CPLANE1: variants seen among roughly 807,000 people sequenced by gnomAD.
The protein encoded by CPLANE1 is ciliogenesis and planar polarity effector 1.
In CPLANE1, 263 loss-of-function variants were observed where a neutral mutation model predicts 362.5. The observed-to-expected ratio is 0.73, with a 90% CI of 0.66 to 0.80. CPLANE1 has a LOEUF of 0.80. Among genes scored for constraint, CPLANE1 ranks in the 30% least tolerant of loss-of-function variants. CPLANE1 has a pLI of 0.00. For missense variants in CPLANE1, 3,461 were observed against 3,793.4 expected (o/e 0.91, Z 2.30); for synonymous variants, 1,212 against 1,302.6 (o/e 0.93, Z 1.50).
At chr5:37,194,017 GT>G (rs1420000274) in intron 21 of CPLANE1, among the ~76,000 whole-genome samples, 1 of 151,692 alleles carries the variant, frequency 6.6e-6, no homozygotes, top group Non-Finnish European at 1.5e-5. Context: ...CATCTCCCAG[GT>G]TCAAGTGATT....
At chr5:37,224,983 C>G (rs908344422) in intron 12 of CPLANE1, among the ~76,000 whole-genome samples, 1 of 143,870 alleles carries the variant, frequency 7.0e-6, no homozygotes, top group African/African-American at 2.6e-5. Flanking sequence ...CAAGGTCTCA[C>G]TACGTTGCCC....
intron 51 of CPLANE1, 74 bp from the exon 52 acceptor site, chr5:37,108,545 T>C: frequency 7.2e-7 from 1 of 1,383,708 alleles, no homozygotes; most frequent in Non-Finnish European, 9.9e-7. Context: ...TAATTGTGAC[T>C]TTTATCATCA....
At chr5:37,090,588 T>G in the CPLANE1 span, among the ~76,000 whole-genome samples, 1 of 152,216 alleles carries the variant, frequency 6.6e-6, no homozygotes, top group South Asian at 2.1e-4. Context: ...CTGGTAATCT[T>G]ACCCACAAAA....
At chr5:37,129,503 G>A (rs1019675714) in intron 46 of CPLANE1, among the ~76,000 whole-genome samples, 5 of 151,846 alleles carry the variant, frequency 3.3e-5, no homozygotes, top group African/African-American at 9.7e-5. Flanking sequence ...CTATACATCC[G>A]ACAAAGAACT....
At chr5:37,114,585 T>G (rs999156453) in intron 51 of CPLANE1, among the ~76,000 whole-genome samples, 3 of 151,844 alleles carry the variant, frequency 2.0e-5, no homozygotes, top group African/African-American at 7.3e-5. Context: ...TGAAATGGAG[T>G]GATTTATAAT....
At chr5:37,085,970 A>G in the CPLANE1 span, 2 of 603,622 alleles carry the variant, frequency 3.3e-6, no homozygotes, top group South Asian at 4.2e-5. Flanking sequence ...ACATTATATA[A>G]TGATAAAAGG....
chr5:37,180,692 A>C (rs548448880), intron 27 of CPLANE1, among the ~76,000 whole-genome samples, 165 bp downstream of exon 27: 1 of 152,290 alleles, frequency 6.6e-6, no homozygotes, highest in Admixed American at 6.5e-5. Context: ...AAGAAATACA[A>C]TTTGCAATGA....
intron 37 of CPLANE1, among the ~76,000 whole-genome samples, chr5:37,163,556 A>G (rs1777437355): frequency 6.6e-6 from 1 of 152,192 alleles, no homozygotes; most frequent in South Asian, 2.1e-4. Context: ...TAGGTAGAAT[A>G]AGAAAGTATT....
intron 21 of CPLANE1, among the ~76,000 whole-genome samples, chr5:37,189,462 A>G (rs555940693): frequency 6.6e-6 from 1 of 152,308 alleles, no homozygotes; most frequent in East Asian, 1.9e-4. Context: ...CTTTTGAGAA[A>G]GGCATCATTA....
At chr5:37,190,537 T>C (rs1449421396) in intron 21 of CPLANE1, among the ~76,000 whole-genome samples, 2 of 152,094 alleles carry the variant, frequency 1.3e-5, no homozygotes, top group Non-Finnish European at 2.9e-5. Context: ...ACGATCACAC[T>C]ATAAAAAGAG....
the CPLANE1 span, among the ~76,000 whole-genome samples, chr5:37,096,724 C>T: frequency 1.3e-5 from 2 of 151,850 alleles, no homozygotes; most frequent in Admixed American, 1.3e-4. Flanking sequence ...GCAAACAATC[C>T]CATCAAAAAG....
chr5:37,226,167 TTATAAA>T, intron 12 of CPLANE1, 131 bp downstream of exon 12: 1 of 592,010 alleles, frequency 1.7e-6, no homozygotes, highest in Non-Finnish European at 2.7e-6. Context: ...TTTCACAACC[TTATAAA>T]TATACTAACA....
At chr5:37,116,995 A>C (rs1322354177) in intron 50 of CPLANE1, among the ~76,000 whole-genome samples, 2 of 152,216 alleles carry the variant, frequency 1.3e-5, no homozygotes, top group African/African-American at 4.8e-5. Flanking sequence ...GGGGAGCCAC[A>C]GCCTGTTCTA....
At chr5:37,220,232 C>A (rs1795062789) in intron 15 of CPLANE1, among the ~76,000 whole-genome samples, 1 of 148,552 alleles carries the variant, frequency 6.7e-6, no homozygotes, top group Non-Finnish European at 1.5e-5. Context: ...GCCTCGGCAA[C>A]AGAATAAGAC....
chr5:37,157,173 C>A, intron 41 of CPLANE1, 140 bp downstream of exon 41: 1 of 335,072 alleles, frequency 3.0e-6, no homozygotes. Flanking sequence ...GTCTCTATTT[C>A]ATTTACCTAC....
At chr5:37,081,102 T>C in the CPLANE1 span, among the ~76,000 whole-genome samples, 1 of 151,560 alleles carries the variant, frequency 6.6e-6, no homozygotes, top group East Asian at 1.9e-4. Context: ...AGGCTAAGAG[T>C]TCAAGACAAG....
rs993053100 is a variant in CPLANE1, at chr5:37,170,459, G to A, written c.6172-128C>T. The A allele has an allele frequency of 2.9e-6, 3 of 1,028,162 alleles. No homozygotes were observed. The African/African-American group carries it at 4.9e-5, about 17-fold the overall frequency. 63.7% of individuals were successfully genotyped at this position (1,028,162 alleles called of 1,614,324 possible). A position where few individuals can be genotyped will look rare whatever the true frequency, so the allele number is the denominator to read the frequency against. On this transcript the variant is annotated intron_variant, in intron 32 of 52. Coordinates refer to ENST00000651892, the MANE Select transcript of CPLANE1 (RefSeq NM_001384732.1). ...CTTAATATCTATGAGAATCATGAAT[G>A]CTGAGCAGGAGGCAGTCAGGGAAAT...
chr5:37,186,757 A>G (rs1784094348), intron 23 of CPLANE1, among the ~76,000 whole-genome samples: 1 of 152,146 alleles, frequency 6.6e-6, no homozygotes, highest in African/African-American at 2.4e-5. Flanking sequence ...ACAATACACT[A>G]CGATTAACTG....
intron 16 of CPLANE1, chr5:37,211,759 A>G (rs1561619736): frequency 1.3e-6 from 1 of 786,250 alleles, no homozygotes; most frequent in Non-Finnish European, 2.4e-6. Flanking sequence ...GCGGGTCTTT[A>G]CTGGAGACAA....
Sources: gnomAD v4.1 joint callset for allele counts (sites outside exome capture counted in the v4.1 genomes callset) on GRCh38, gnomAD v4.1.1 for gene constraint, MANE v1.5 for transcripts, NCBI Gene and HGNC (gene_info 2026-07-23, HGNC 2026-07-21) for gene names.